NUP153: variants seen among roughly 807,000 people sequenced by gnomAD.
NUP153 encodes the protein nuclear pore complex protein Nup153.
A neutral mutation model predicts 134.6 loss-of-function variants in NUP153; 27 were observed. The ratio of observed to expected loss-of-function variants is 0.20; its 90% confidence interval spans 0.15 to 0.28. The LOEUF (loss-of-function observed/expected upper bound fraction) is 0.28. NUP153 is among the 10% of genes least tolerant of loss of function. NUP153 has a pLI of 1.00. For synonymous variants in NUP153, 640 were observed against 623.5 expected, an observed-to-expected ratio of 1.03 and a Z score of -0.40; for missense variants, 1,821 against 1,731.3, an observed-to-expected ratio of 1.05 and a Z score of -0.92.
rs1327603926 is a variant in NUP153 at position 17,680,572 on chromosome 6, G to A, written c.335-4802C>T. ...ATACAACACTAAAAGCACAGGCCAT[G>A]GAAGCAAAAACAGACAAACAGGACT... On this transcript the variant is annotated intron_variant, in intron 2 of 21. Transcript: ENST00000262077. This position sits in a 1 kb window ranked among gnomAD's most constrained non-coding sequence, Gnocchi z 4.5. 6.6e-6 allele frequency among the ~76,000 whole-genome samples: 1 copy of A among 152,126 alleles called. No homozygotes were observed. The highest frequency in any genetic ancestry group is 1.5e-5 in the Non-Finnish European group (1 of 68,028).
intron 11 of NUP153, among the ~76,000 whole-genome samples, chr6:17,649,735 A>G (rs1305748628): frequency 6.6e-6 from 1 of 152,218 alleles, no homozygotes; most frequent in Non-Finnish European, 1.5e-5. Context: ...TTATTACATT[A>G]TAGTGTTATA....
At chr6:17,620,262 C>T (rs1764581000) in intron 20 of NUP153, among the ~76,000 whole-genome samples, 1 of 152,048 alleles carries the variant, frequency 6.6e-6, no homozygotes, top group South Asian at 2.1e-4. Flanking sequence ...CTATACTTAC[C>T]ATATATAGCT....
chr6:17,693,515 T>C (rs1184967798), intron 1 of NUP153, among the ~76,000 whole-genome samples: 4 of 152,344 alleles, frequency 2.6e-5, no homozygotes, highest in East Asian at 1.9e-4. Context: ...CGTTCTGCTA[T>C]TGGTCTCTGG....
chr6:17,687,799 G>A (rs954139314), intron 2 of NUP153, among the ~76,000 whole-genome samples: 1 of 152,072 alleles, frequency 6.6e-6, no homozygotes, highest in African/African-American at 2.4e-5. Flanking sequence ...GGGCTTCATC[G>A]AAATTTAAAA....
chr6:17,665,793 G>A (rs1767500593), intron 8 of NUP153, among the ~76,000 whole-genome samples: 1 of 151,530 alleles, frequency 6.6e-6, no homozygotes, highest in African/African-American at 2.4e-5. Context: ...GTGAGACCTG[G>A]GTGATCCTCC....
intron 20 of NUP153, among the ~76,000 whole-genome samples, chr6:17,620,904 G>A (rs1764615384): frequency 6.6e-6 from 1 of 152,118 alleles, no homozygotes; most frequent in African/African-American, 2.4e-5. Flanking sequence ...CACAGCAAAA[G>A]AAGCAATCAG....
chr6:17,687,753 T>C (rs1769023051), intron 2 of NUP153, among the ~76,000 whole-genome samples: 1 of 152,144 alleles, frequency 6.6e-6, no homozygotes, highest in Admixed American at 6.5e-5. Context: ...AGAAAAAATG[T>C]ATATACTGAA....
At chr6:17,633,529 TCTTAAAGGGG>T in intron 16 of NUP153, among the ~76,000 whole-genome samples, 1 of 152,282 alleles carries the variant, frequency 6.6e-6, no homozygotes, top group South Asian at 2.1e-4. Flanking sequence ...ATGCTCATGG[TCTTAAAGGGG>T]GAAAATAAAA....
intron 16 of NUP153, among the ~76,000 whole-genome samples, chr6:17,634,656 C>T (rs1385862708): frequency 6.6e-6 from 1 of 152,148 alleles, no homozygotes; most frequent in East Asian, 1.9e-4. Flanking sequence ...AGGCTGGTCT[C>T]AAACTCCTGA....
intron 9 of NUP153, among the ~76,000 whole-genome samples, chr6:17,663,197 T>C (rs941108769): frequency 1.3e-4 from 19 of 151,814 alleles, no homozygotes; most frequent in Middle Eastern, 6.8e-3. Context: ...CTTGCAAATC[T>C]GTAGAAGTCC....
chr6:17,675,379 A>G lies in NUP153; in HGVS notation c.584-11T>C. The G allele has an allele frequency of 6.2e-7, 1 of 1,612,904 alleles. No individual in the cohort carries two copies. Among genetic ancestry groups the G allele is most frequent in the Non-Finnish European group, 8.5e-7 (1 of 1,179,150 alleles). ...TTGAAACAGTTATATCTGAAACAAA[A>G]TTACATAATCCATAGTAATAACACC... On this transcript the variant is annotated splice_polypyrimidine_tract_variant and intron_variant, in intron 3 of 21. Transcript: ENST00000262077. The surrounding 1 kb of genome is among the most constrained non-coding windows in gnomAD (Gnocchi z 4.4).
chr6:17,692,479 G>A (rs1258604566), intron 1 of NUP153, among the ~76,000 whole-genome samples: 2 of 152,022 alleles, frequency 1.3e-5, no homozygotes, highest in African/African-American at 2.4e-5. Context: ...GTACCACTGC[G>A]CTCCTGCCTG....
At chr6:17,694,278 A>G (rs1215367706) in intron 1 of NUP153, among the ~76,000 whole-genome samples, 1 of 152,204 alleles carries the variant, frequency 6.6e-6, no homozygotes, top group Non-Finnish European at 1.5e-5. Flanking sequence ...ATGAGTTAGT[A>G]TAGATTCTAA....
intron 14 of NUP153, among the ~76,000 whole-genome samples, chr6:17,645,015 G>A (rs1256212154): frequency 6.6e-6 from 1 of 152,086 alleles, no homozygotes; most frequent in African/African-American, 2.4e-5. Flanking sequence ...AACCTGGGAG[G>A]CGGAGGTTGC....
At chr6:17,650,818 C>T in intron 11 of NUP153, among the ~76,000 whole-genome samples, 1 of 152,120 alleles carries the variant, frequency 6.6e-6, no homozygotes, top group Non-Finnish European at 1.5e-5. Context: ...ATTGAATTTA[C>T]AGCCTCTCCA....
intron 16 of NUP153, among the ~76,000 whole-genome samples, chr6:17,633,088 A>C (rs539003281): frequency 1.3e-5 from 2 of 152,250 alleles, no homozygotes; most frequent in South Asian, 4.1e-4. Flanking sequence ...AGCAGCTCAT[A>C]ATCACCTTGC....
intron 1 of NUP153, among the ~76,000 whole-genome samples, chr6:17,697,737 T>C (rs1769755356): frequency 6.8e-6 from 1 of 147,114 alleles, no homozygotes; most frequent in African/African-American, 2.5e-5. Context: ...GGCTACTCTA[T>C]AACACTAACT....
At chr6:17,688,997 G>C (rs1055833868) in intron 1 of NUP153, among the ~76,000 whole-genome samples, 7 of 151,824 alleles carry the variant, frequency 4.6e-5, no homozygotes, top group African/African-American at 1.7e-4. Context: ...ACTTTCAATA[G>C]CTTTCTCAAG....
chr6:17,668,879 C>A, intron 8 of NUP153, 96 bp downstream of exon 8: 1 of 822,062 alleles, frequency 1.2e-6, no homozygotes, highest in Non-Finnish European at 2.0e-6. Context: ...AACATGTTCC[C>A]TAATGTCTAA....
Sources: allele counts gnomAD v4.1 joint callset (sites outside exome capture counted in the v4.1 genomes callset), GRCh38; gene constraint gnomAD v4.1.1; non-coding constraint Gnocchi (gnomAD v3.1); transcripts MANE v1.5; gene names NCBI Gene and HGNC (gene_info 2026-07-23, HGNC 2026-07-21).